ARHGEF28: variants seen among roughly 807,000 people sequenced by gnomAD.
The protein encoded by ARHGEF28 is 190 kDa guanine nucleotide exchange factor.
ARHGEF28 carries 152 observed loss-of-function variants against 206.6 expected under a neutral mutation model. That is an observed-to-expected ratio of 0.74 (90% CI 0.64 to 0.84). The LOEUF (loss-of-function observed/expected upper bound fraction) is 0.84. ARHGEF28 is among the 40% of genes least tolerant of loss of function. ARHGEF28 has a pLI of 0.00. For synonymous variants in ARHGEF28, 763 were observed against 776.4 expected (o/e 0.98, Z 0.29); for missense variants, 2,028 against 2,073.2 (o/e 0.98, Z 0.42).
chr5:73,799,290 A>G (rs1174470240), intron 9 of ARHGEF28, among the ~76,000 whole-genome samples: 1 of 152,180 alleles, frequency 6.6e-6, no homozygotes, highest in Non-Finnish European at 1.5e-5. Flanking sequence ...TGGAATCCCA[A>G]TTGCAAACAA....
intron 35 of ARHGEF28, among the ~76,000 whole-genome samples, chr5:73,923,804 A>G (rs438668): frequency 0.29 from 43,653 of 152,060 alleles, 8,282 homozygotes; most frequent in African/African-American, 0.53. Context: ...GGAAAGTTTC[A>G]GAAAATATGT....
chr5:73,881,014 G>C (rs1426884285), intron 22 of ARHGEF28, among the ~76,000 whole-genome samples: 1 of 148,124 alleles, frequency 6.8e-6, no homozygotes, highest in African/African-American at 2.5e-5. Context: ...TGCAGGTTAT[G>C]AGACTTAGTA....
chr5:73,753,300 C>A, intron 4 of ARHGEF28, 98 bp downstream of exon 4: 1 of 1,304,380 alleles, frequency 7.7e-7, no homozygotes, highest in Non-Finnish European at 1.0e-6. Context: ...GGTTTTCCTG[C>A]CCACTTTTTA....
At chr5:73,760,639 T>C (rs1442809121) in intron 4 of ARHGEF28, among the ~76,000 whole-genome samples, 1 of 152,218 alleles carries the variant, frequency 6.6e-6, no homozygotes, top group Non-Finnish European at 1.5e-5. Flanking sequence ...TATATATGTA[T>C]ATTATTTGTG....
chr5:73,820,605 G>A lies in ARHGEF28; in HGVS notation c.1025-11733G>A, dbSNP rs369617231. Among the ~76,000 whole-genome samples the A allele has an allele frequency of 3.3e-5, 5 of 152,098 alleles. No individual in the cohort carries two copies. The East Asian group carries it at 5.8e-4, about 18-fold the overall frequency. Reference sequence around the variant, plus strand: ...TCTCCTTCTGGCTTCACCCTGACTTGGCCCCACCCTGGCTCTTACCCTACA... The same window carrying A: ...TCTCCTTCTGGCTTCACCCTGACTTAGCCCCACCCTGGCTCTTACCCTACA... On this transcript the variant is annotated intron_variant, in intron 9 of 35. Transcript: ENST00000513042.
chr5:73,851,549 T>G (rs1258339347), intron 13 of ARHGEF28, among the ~76,000 whole-genome samples: 3 of 152,168 alleles, frequency 2.0e-5, no homozygotes, highest in African/African-American at 7.2e-5. Context: ...ATTAAAATGA[T>G]AACTACAGTC....
intron 29 of ARHGEF28, among the ~76,000 whole-genome samples, 182 bp downstream of exon 29, chr5:73,894,757 G>GTA (rs1761859094): frequency 6.6e-6 from 1 of 152,222 alleles, no homozygotes; most frequent in Non-Finnish European, 1.5e-5. Context: ...ATGTCAGGTT[G>GTA]TATCAAGTGC....
chr5:73,934,860 G>T (rs561724022), intron 35 of ARHGEF28, among the ~76,000 whole-genome samples: 1 of 152,246 alleles, frequency 6.6e-6, no homozygotes, highest in South Asian at 2.1e-4. Context: ...ATATCTATTG[G>T]CATCCTGTTT....
intron 2 of ARHGEF28, among the ~76,000 whole-genome samples, chr5:73,695,276 G>A (rs1748121359): frequency 6.6e-6 from 1 of 152,154 alleles, no homozygotes; most frequent in Non-Finnish European, 1.5e-5. Context: ...AACTCTGCTG[G>A]TTCTTTTTCA....
chr5:73,770,125 G>A (rs895489323), intron 4 of ARHGEF28, among the ~76,000 whole-genome samples: 3 of 152,216 alleles, frequency 2.0e-5, no homozygotes, highest in African/African-American at 7.2e-5. Flanking sequence ...TAAACTGTCT[G>A]ACCTTCCTTG....
intron 9 of ARHGEF28, among the ~76,000 whole-genome samples, chr5:73,803,092 C>T (rs1050125045): frequency 3.9e-5 from 6 of 152,076 alleles, no homozygotes; most frequent in Admixed American, 6.5e-5. Flanking sequence ...TTTTATGAAA[C>T]GTGGCTCCTT....
chr5:73,933,373 A>T (rs1462844356), intron 35 of ARHGEF28, among the ~76,000 whole-genome samples: 1 of 152,212 alleles, frequency 6.6e-6, no homozygotes, highest in Non-Finnish European at 1.5e-5. Flanking sequence ...TCCATTTTAT[A>T]GCGTAGGTTC....
At chr5:73,668,691 A>G (rs1746121031) in intron 1 of ARHGEF28, among the ~76,000 whole-genome samples, 1 of 148,494 alleles carries the variant, frequency 6.7e-6, no homozygotes, top group Non-Finnish European at 1.5e-5. Flanking sequence ...CTGCCTGAAA[A>G]TGCAGACAAA....
rs368864097 is a variant in ARHGEF28 at position 73,870,153 on chromosome 5, C to A, written c.2510C>A (p.Pro837His). Reference sequence around the variant, plus strand: ...GAATCTTGGAGTCTTGTGGTGGATCCCTCATTTTGTAATAGGCAGGAGAAG... The same window carrying A: ...GAATCTTGGAGTCTTGTGGTGGATCACTCATTTTGTAATAGGCAGGAGAAG... Reference protein sequence around the residue: ...EAESWSLVVDPSFCNRQEKDV... With the variant: ...EAESWSLVVDHSFCNRQEKDV... Residue 837 changes from proline (P) to histidine (H), a missense_variant, in exon 21 of 36, where the codon CCC becomes CAC. Around this residue, in one of 3 missense-constraint regions of ARHGEF28, gnomAD observed 1,002 missense variants for 1,015.3 expected, o/e 0.99. Coordinates refer to ENST00000513042, the MANE Select transcript of ARHGEF28 (RefSeq NM_001177693.2). 81 of 1,613,674 alleles carry A rather than the reference C, an allele frequency of 5.0e-5. No homozygotes were observed. Among genetic ancestry groups the A allele is most frequent in the Non-Finnish European group, 6.7e-5 (79 of 1,179,868 alleles).
intron 20 of ARHGEF28, 74 bp downstream of exon 20, chr5:73,868,301 T>C: frequency 6.9e-7 from 1 of 1,454,786 alleles, no homozygotes; most frequent in Non-Finnish European, 9.1e-7. Flanking sequence ...CTGAAGGAAA[T>C]AAGATTGAAG....
chr5:73,897,021 C>CA (rs1761996727), intron 29 of ARHGEF28, among the ~76,000 whole-genome samples: 1 of 152,170 alleles, frequency 6.6e-6, no homozygotes, highest in Admixed American at 6.5e-5. Flanking sequence ...TATCTTCCGA[C>CA]AAAAAGCCAG....
intron 9 of ARHGEF28, among the ~76,000 whole-genome samples, chr5:73,795,716 G>A (rs1754761713): frequency 6.6e-6 from 1 of 152,208 alleles, no homozygotes; most frequent in Admixed American, 6.5e-5. Context: ...AGGTTCAGGT[G>A]AAGCAGTTGA....
At position 73,909,512 on chromosome 5, in the gene ARHGEF28, C is replaced by G; in HGVS notation, c.4262C>G (p.Pro1421Arg). Reference protein sequence around the residue: ...SLGHSILRGGPLQDQKSRDAD... With the variant: ...SLGHSILRGGRLQDQKSRDAD... ...GGCCACTCTATCCTCCGAGGCGGCC[C>G]CTTGCAGGACCAGAAGTCTCGCGAC... The change falls in exon 34 of 36, where the codon CCC (proline) becomes CGC (arginine). Residue 1421 changes from proline to arginine, a missense_variant. Pro to Arg is a moderately radical substitution (Grantham distance 103, BLOSUM62 -2). Coordinates refer to ENST00000513042, the MANE Select transcript of ARHGEF28 (RefSeq NM_001177693.2). 6.2e-7 allele frequency: 1 copy of G among 1,606,774 alleles called. No homozygotes were observed. The highest frequency in any genetic ancestry group is 1.1e-5 in the South Asian group (1 of 89,928).
In ARHGEF28 at chr5:73,773,845, T is replaced by C; in HGVS notation, c.476-10T>C. 1 of 1,581,642 alleles carries C rather than the reference T, an allele frequency of 6.3e-7. No individual in the cohort carries two copies. Among genetic ancestry groups the C allele is most frequent in the African/African-American group, 1.3e-5 (1 of 74,266 alleles). ...AGGAACTAATATGGTATGTGTTTTT[T>C]CCTCTTCAGTATCTTCTCACAGAGA... On this transcript the variant is annotated splice_polypyrimidine_tract_variant and intron_variant, in intron 4 of 35. Coordinates refer to ENST00000513042, the MANE Select transcript of ARHGEF28 (RefSeq NM_001177693.2).
Sources: gnomAD v4.1 joint callset for allele counts (sites outside exome capture counted in the v4.1 genomes callset) on GRCh38, gnomAD v4.1.1 for gene constraint, gnomAD v4.1.1 regional missense constraint, MANE v1.5 for transcripts, NCBI Gene and HGNC (gene_info 2026-07-23, HGNC 2026-07-21) for gene names.